The following DOCK7 variants were observed in gnomAD, a reference collection of about 807,000 sequenced individuals.
DOCK7 encodes dedicator of cytokinesis protein 7.
DOCK7 carries 138 observed loss-of-function variants against 271.0 expected under a neutral mutation model. That is an observed-to-expected ratio of 0.51 (90% CI 0.44 to 0.59). The LOEUF (loss-of-function observed/expected upper bound fraction) is 0.59. Among genes scored for constraint, DOCK7 ranks in the 20% least tolerant of loss-of-function variants. The probability of loss-of-function intolerance (pLI) is 0.00; values close to 1 mark genes in which losing one functional copy is unlikely to be tolerated. For missense variants in DOCK7, 2,066 were observed against 2,592.4 expected (o/e 0.80, Z 4.41); for synonymous variants, 823 against 876.1 (o/e 0.94, Z 1.07).
At chr1:62,617,086 C>A in intron 14 of DOCK7, among the ~76,000 whole-genome samples, 1 of 148,008 alleles carries the variant, frequency 6.8e-6, no homozygotes. Context: ...AAAATAAGGA[C>A]TCTATTGCAA....
At chr1:62,468,649 T>C (rs1645748294) in intron 48 of DOCK7, among the ~76,000 whole-genome samples, 1 of 152,086 alleles carries the variant, frequency 6.6e-6, no homozygotes, top group Non-Finnish European at 1.5e-5. Flanking sequence ...GATATCACTG[T>C]ATACCTAGAA....
chr1:62,668,200 G>A (rs1011725460), intron 1 of DOCK7, among the ~76,000 whole-genome samples: 10 of 152,106 alleles, frequency 6.6e-5, no homozygotes, highest in African/African-American at 1.2e-4. Context: ...ATACTATTGC[G>A]AGGAAGCCAT....
At chr1:62,499,181 A>G (rs931037251) in intron 37 of DOCK7, among the ~76,000 whole-genome samples, 43 of 152,356 alleles carry the variant, frequency 2.8e-4, no homozygotes, top group African/African-American at 7.9e-4. Context: ...CTTTTCCAAA[A>G]TAACAGAAAC....
chr1:62,488,512 C>A, intron 42 of DOCK7: 1 of 175,736 alleles, frequency 5.7e-6, no homozygotes, highest in Non-Finnish European at 1.2e-5. Flanking sequence ...CAGTTGCAGT[C>A]ATTAAAAATA....
intron 11 of DOCK7, among the ~76,000 whole-genome samples, chr1:62,630,102 G>A (rs540958108): frequency 5.9e-5 from 9 of 152,198 alleles, no homozygotes; most frequent in South Asian, 4.2e-4. Context: ...ATGTGTATTC[G>A]GAGTTCCGAG....
In DOCK7 at chr1:62,631,385, T is replaced by C. The variant is rs1334193735; in HGVS notation, c.1137A>G (p.Lys379=). 1.3e-6 allele frequency: 2 copies of C among 1,599,166 alleles called. No individual in the cohort carries two copies. The highest frequency in any genetic ancestry group is 2.2e-5 in the East Asian group (1 of 44,748). Residue 379 remains lysine (K), a synonymous_variant, in exon 11 of 50, where the codon AAA becomes AAG. Transcript: ENST00000635253. ...AAAACTGATCTGCTTGACTCTTCAG[T>C]TTCTCCAGTTTTTCTTTATTCTGCA... is the stretch of plus-strand genomic sequence containing the variant. The part of the protein sequence containing the change: ...DATKNKEKLE[K]LKSQADQFCQ...
chr1:62,592,931 G>A (rs1384486286), intron 14 of DOCK7, among the ~76,000 whole-genome samples: 3 of 152,020 alleles, frequency 2.0e-5, no homozygotes, highest in Admixed American at 6.6e-5. Context: ...CACCATAAAA[G>A]CATTTTCTAT....
chr1:62,512,907 T>C (rs1379823682), intron 33 of DOCK7, among the ~76,000 whole-genome samples: 1 of 150,042 alleles, frequency 6.7e-6, no homozygotes, highest in African/African-American at 2.5e-5. Flanking sequence ...CGAGAATCTG[T>C]CTCAACTAAA....
At chr1:62,585,475 A>C (rs958582248) in intron 15 of DOCK7, among the ~76,000 whole-genome samples, 2 of 152,182 alleles carry the variant, frequency 1.3e-5, no homozygotes, top group East Asian at 1.9e-4. Context: ...TGAGCCAAAA[A>C]TTCACTCTCA....
intron 35 of DOCK7, among the ~76,000 whole-genome samples, chr1:62,506,578 C>T (rs1431836148): frequency 2.0e-5 from 3 of 151,688 alleles, no homozygotes. Flanking sequence ...TCAAGCAATT[C>T]TTGTGCCTCA....
At position 62,620,013 on chromosome 1, in the gene DOCK7, A is replaced by G; in HGVS notation, c.1426-20T>C. The stretch of plus-strand genomic sequence containing the variant: ...TCCTTCCTGATTTCAATAATAGAGG[A>G]AAAAGTATTTGATAAAACAAATATA... On this transcript the variant is annotated intron_variant, in intron 12 of 49. Coordinates refer to ENST00000635253, the MANE Select transcript of DOCK7 (RefSeq NM_001367561.1). 1 of 1,590,180 alleles carries G rather than the reference A, an allele frequency of 6.3e-7. No homozygotes were observed.
chr1:62,673,791 T>C (rs1660256688), intron 1 of DOCK7, among the ~76,000 whole-genome samples: 1 of 152,100 alleles, frequency 6.6e-6, no homozygotes, highest in South Asian at 2.1e-4. Context: ...TACCTACAAA[T>C]AACATCATAC....
At chr1:62,474,606 G>A (rs1365910807) in intron 47 of DOCK7, among the ~76,000 whole-genome samples, 1 of 152,094 alleles carries the variant, frequency 6.6e-6, no homozygotes, top group Non-Finnish European at 1.5e-5. Flanking sequence ...ATTTATTTCA[G>A]TTTTGGTGGG....
At chr1:62,619,808 T>G in intron 13 of DOCK7, 92 bp downstream of exon 13, 1 of 667,576 alleles carries the variant, frequency 1.5e-6, no homozygotes, top group Non-Finnish European at 2.3e-6. Context: ...CTGGGCCAGA[T>G]AAATAAAAAA....
chr1:62,614,291 T>C (rs967668220), intron 14 of DOCK7, among the ~76,000 whole-genome samples: 3 of 152,124 alleles, frequency 2.0e-5, no homozygotes, highest in Non-Finnish European at 2.9e-5. Context: ...TCCAAAATTA[T>C]TTCTACCTAT....
intron 31 of DOCK7, 107 bp downstream of exon 31, chr1:62,528,042 CTG>C: frequency 1.8e-6 from 2 of 1,141,442 alleles, no homozygotes; most frequent in East Asian, 2.7e-5. Context: ...ATAAATAAAA[CTG>C]AGCACTTTTG....
intron 41 of DOCK7, among the ~76,000 whole-genome samples, chr1:62,491,115 A>G (rs576391771): frequency 6.4e-4 from 97 of 152,376 alleles, no homozygotes; most frequent in Non-Finnish European, 1.0e-3. Context: ...GTGAGGCACC[A>G]ACAGGTTAAA....
chr1:62,500,564 C>G (rs1220549298), intron 37 of DOCK7, among the ~76,000 whole-genome samples: 2 of 151,996 alleles, frequency 1.3e-5, no homozygotes, highest in Non-Finnish European at 2.9e-5. Flanking sequence ...ACCTGAGAAA[C>G]TTAACACAAA....
chr1:62,589,394 C>T (rs1648085768), intron 14 of DOCK7, among the ~76,000 whole-genome samples: 2 of 152,088 alleles, frequency 1.3e-5, no homozygotes, highest in Admixed American at 1.3e-4. Flanking sequence ...ATGAAAAAAA[C>T]AATGCAAGCT....
Sources: allele counts gnomAD v4.1 joint callset (sites outside exome capture counted in the v4.1 genomes callset), GRCh38; gene constraint gnomAD v4.1.1; transcripts MANE v1.5; gene names NCBI Gene and HGNC (gene_info 2026-07-23, HGNC 2026-07-21).